The following MAPK8 variants were observed in gnomAD, a reference collection of about 807,000 sequenced individuals.
The protein encoded by MAPK8 is JUN N-terminal kinase.
Under a neutral mutation model 52.9 loss-of-function variants are expected in MAPK8, and 13 were observed. The ratio of observed to expected loss-of-function variants is 0.25; its 90% CI spans 0.16 to 0.39. MAPK8 has a LOEUF of 0.39. Ranked by LOEUF, MAPK8 falls within the 10% of genes least tolerant of loss-of-function variation. The pLI is 1.00. For missense variants in MAPK8, 300 were observed against 519.2 expected, an observed-to-expected ratio of 0.58 and a Z score of 4.10; for synonymous variants, 191 against 169.8, an observed-to-expected ratio of 1.12 and a Z score of -0.97.
chr10:48,381,573 T>C (rs184332368), intron 1 of MAPK8, among the ~76,000 whole-genome samples: 351 of 152,328 alleles, frequency 2.3e-3, no homozygotes, highest in Non-Finnish European at 3.6e-3. Context: ...AATCATTTCA[T>C]GGTTTCGTAG....
At chr10:48,410,757 G>T (rs986708302) in intron 5 of MAPK8, among the ~76,000 whole-genome samples, 10 of 152,210 alleles carry the variant, frequency 6.6e-5, no homozygotes, top group African/African-American at 2.2e-4. Context: ...AGCAGTGTAT[G>T]CGGGTTCCAG....
chr10:48,318,069 ATAGG>A (rs1426620128), intron 1 of MAPK8, among the ~76,000 whole-genome samples: 1 of 151,702 alleles, frequency 6.6e-6, no homozygotes, highest in Non-Finnish European at 1.5e-5. Flanking sequence ...AATCGGAGTT[ATAGG>A]TAGGTAGACT....
chr10:48,411,804 C>T (rs544220690), intron 5 of MAPK8, among the ~76,000 whole-genome samples: 4 of 147,472 alleles, frequency 2.7e-5, no homozygotes, highest in Admixed American at 6.8e-5. Context: ...CTTTTCTCTC[C>T]TTCCCTCCCT....
chr10:48,308,963 T>C (rs543938620), intron 1 of MAPK8, among the ~76,000 whole-genome samples: 3 of 152,350 alleles, frequency 2.0e-5, no homozygotes, highest in Admixed American at 2.0e-4. Context: ...AGTTTCTTAT[T>C]ATTTGCTGTA....
At chr10:48,421,913 A>C (rs925713596) in intron 6 of MAPK8, among the ~76,000 whole-genome samples, 11 of 152,188 alleles carry the variant, frequency 7.2e-5, no homozygotes, top group Non-Finnish European at 1.3e-4. Context: ...ACGGAGTCAA[A>C]TGTAATGCTT....
intron 1 of MAPK8, among the ~76,000 whole-genome samples, chr10:48,376,725 G>A (rs374849531): frequency 6.6e-6 from 1 of 151,726 alleles, no homozygotes; most frequent in Non-Finnish European, 1.5e-5. Flanking sequence ...AAAAAATCAG[G>A]AAACAGATGC....
intron 10 of MAPK8, chr10:48,430,721 G>A (rs905723461): frequency 7.1e-5 from 11 of 154,616 alleles, no homozygotes; most frequent in African/African-American, 1.4e-4. Flanking sequence ...GATTTGTTGT[G>A]AAGCTTTTGC....
chr10:48,318,339 T>G (rs1422669423), intron 1 of MAPK8, among the ~76,000 whole-genome samples: 1 of 152,208 alleles, frequency 6.6e-6, no homozygotes, highest in African/African-American at 2.4e-5. Flanking sequence ...TCACAGCAAC[T>G]ACATTAGTGT....
chr10:48,395,470 C>T (rs1032356538), intron 1 of MAPK8, among the ~76,000 whole-genome samples: 1 of 151,946 alleles, frequency 6.6e-6, no homozygotes, highest in Admixed American at 6.6e-5. Context: ...AACAATGAAT[C>T]TTAACCTTTA....
intron 1 of MAPK8, among the ~76,000 whole-genome samples, chr10:48,364,513 G>T (rs570700987): frequency 7.9e-5 from 12 of 152,060 alleles, no homozygotes; most frequent in Non-Finnish European, 1.5e-4. Flanking sequence ...AAAAGGAAAA[G>T]GAATTAAGAT....
rs370766776 is a variant in MAPK8, at chr10:48,324,503, G to GTTTTTTTTTTTTTTTTTT, written c.-50+17699_-50+17700insTTTTTTTTTTTTTTTTTT. On this transcript the variant is annotated intron_variant, in intron 1 of 11. Transcript: ENST00000374189. Reference sequence around the variant, plus strand: ...TATACAACAGTTGTCCTGTTTTCTAGTTTTTTTTTTTTTTTTTACACTCAT... The same window carrying GTTTTTTTTTTTTTTTTTT: ...TATACAACAGTTGTCCTGTTTTCTAGTTTTTTTTTTTTTTTTTTTTTTTTTTTTTTTTTTTACACTCAT... Among the ~76,000 whole-genome samples, 206 of 117,940 alleles carry GTTTTTTTTTTTTTTTTTT rather than the reference G, an allele frequency of 1.7e-3. 11 individuals are homozygous for GTTTTTTTTTTTTTTTTTT. Among genetic ancestry groups the GTTTTTTTTTTTTTTTTTT allele is most frequent in the African/African-American group, 2.6e-3 (73 of 28,108 alleles). The allele number at this position is 117,940 out of a possible 152,430, so 77.4% of individuals were successfully genotyped here. A position where few individuals can be genotyped will look rare whatever the true frequency, so the allele number is the denominator to read the frequency against.
chr10:48,377,735 G>T (rs2132695834), intron 1 of MAPK8, among the ~76,000 whole-genome samples: 1 of 152,220 alleles, frequency 6.6e-6, no homozygotes, highest in East Asian at 1.9e-4. Context: ...TTTCTCTGTG[G>T]CTCTCCCACT....
chr10:48,426,297 TAA>T, intron 8 of MAPK8, 81 bp from the exon 9 acceptor site: 1 of 1,274,058 alleles, frequency 7.8e-7, no homozygotes, highest in Admixed American at 2.6e-5. Context: ...ATATGCTTTT[TAA>T]AAAATCTCAA....
intron 1 of MAPK8, among the ~76,000 whole-genome samples, chr10:48,316,756 C>A (rs1057273414): frequency 6.6e-6 from 1 of 152,174 alleles, no homozygotes; most frequent in East Asian, 1.9e-4. Context: ...AGCTGAACTT[C>A]AGTAGAGATC....
chr10:48,423,114 GTGATGT>G (rs749506177), intron 6 of MAPK8, among the ~76,000 whole-genome samples: 9 of 152,064 alleles, frequency 5.9e-5, no homozygotes, highest in Non-Finnish European at 1.2e-4. Flanking sequence ...TCCTTTTTGT[GTGATGT>G]TCAAACCCAA....
chr10:48,312,100 C>A (rs1252838225), intron 1 of MAPK8, among the ~76,000 whole-genome samples: 4 of 152,206 alleles, frequency 2.6e-5, no homozygotes, highest in Non-Finnish European at 5.9e-5. Flanking sequence ...GCCTTCCAAA[C>A]CTTACATCTC....
intron 1 of MAPK8, among the ~76,000 whole-genome samples, chr10:48,322,582 A>G (rs1020116622): frequency 4.6e-5 from 7 of 152,152 alleles, no homozygotes; most frequent in Non-Finnish European, 8.8e-5. Context: ...ACTTCTAGGT[A>G]TGACCCCTTG....
intron 5 of MAPK8, among the ~76,000 whole-genome samples, chr10:48,413,267 C>CT (rs2042860229): frequency 1.3e-5 from 2 of 152,192 alleles, no homozygotes; most frequent in Admixed American, 1.3e-4. Flanking sequence ...CCAAATATCT[C>CT]TTTGAGACCC....
In MAPK8 at chr10:48,314,618, GC is replaced by G. The variant is rs534020246; in HGVS notation, c.-50+7799del. ...TAATTTTATGTATTGCTGAAGTGTAGCCTGTAGAGGTTGTCCAACTTCCATT... is the reference window on the plus strand; with the variant it reads ...TAATTTTATGTATTGCTGAAGTGTAGCTGTAGAGGTTGTCCAACTTCCATT... On this transcript the variant is annotated intron_variant, in intron 1 of 11. Transcript: ENST00000374189. Among the ~76,000 whole-genome samples, 13 of 152,280 alleles carry G rather than the reference GC, an allele frequency of 8.5e-5. No individual in the cohort carries two copies. In the South Asian group the frequency reaches 1.0e-3, roughly 12 times the overall value.
Sources: allele counts gnomAD v4.1 joint callset (sites outside exome capture counted in the v4.1 genomes callset), GRCh38; gene constraint gnomAD v4.1.1; transcripts MANE v1.5; gene names NCBI Gene and HGNC (gene_info 2026-07-23, HGNC 2026-07-21).